The following TMEM265 variants were observed in gnomAD, a reference collection of about 807,000 sequenced individuals.
TMEM265 encodes the protein transmembrane protein 265.
In TMEM265, 8 loss-of-function variants were observed where a neutral mutation model predicts 9.5. The observed-to-expected ratio is 0.84, with a 90% CI of 0.49 to 1.52. TMEM265 has a LOEUF of 1.52. TMEM265 is among the 40% of genes most tolerant of loss of function. The probability of loss-of-function intolerance (pLI) is 0.00; values close to 1 mark genes in which losing one functional copy is unlikely to be tolerated. For missense variants in TMEM265, 152 were observed against 146.2 expected (o/e 1.04, Z -0.21); for synonymous variants, 53 against 56.9 (o/e 0.93, Z 0.31).
chr16:30,743,953 G>A lies in TMEM265; in HGVS notation c.*10G>A. On this transcript the variant is annotated 3_prime_UTR_variant, in exon 3 of 3. Transcript: ENST00000615541. ...CGCTCAGGCTGAGTGACCCTGGATGGCCTCTGCTGAGAGCCAGCCGAGACC... is the reference window on the plus strand; with the variant it reads ...CGCTCAGGCTGAGTGACCCTGGATGACCTCTGCTGAGAGCCAGCCGAGACC... The A allele has an allele frequency of 1.3e-6, 2 of 1,531,592 alleles. No individual in the cohort carries two copies. Among genetic ancestry groups the A allele is most frequent in the Middle Eastern group, 2.3e-4 (1 of 4,340 alleles). 94.9% of individuals were successfully genotyped at this position (1,531,592 alleles called of 1,614,324 possible). A position where few individuals can be genotyped will look rare whatever the true frequency, so the allele number is the denominator to read the frequency against.
intron 2 of TMEM265, 58 bp downstream of exon 2, chr16:30,741,966 T>C: frequency 6.7e-7 from 1 of 1,484,472 alleles, no homozygotes; most frequent in Non-Finnish European, 9.0e-7. Context: ...GTTTCATGTA[T>C]CTGATCTATC....
intron 1 of TMEM265, 136 bp from the exon 2 acceptor site, chr16:30,741,605 A>G (rs1352248668): frequency 2.2e-6 from 2 of 925,586 alleles, no homozygotes; most frequent in Admixed American, 2.9e-5. Context: ...CACTAGAGGA[A>G]TTCCCCAGTA....
chr16:30,743,717 G>C, intron 2 of TMEM265, 65 bp from the exon 3 acceptor site: 1 of 1,453,254 alleles, frequency 6.9e-7, no homozygotes, highest in East Asian at 2.5e-5. Context: ...GGGGAGCGGA[G>C]TGGGGAAATG....
chr16:30,743,294 G>C (rs552242299), intron 2 of TMEM265, among the ~76,000 whole-genome samples: 1 of 151,878 alleles, frequency 6.6e-6, no homozygotes, highest in Non-Finnish European at 1.5e-5. Flanking sequence ...GCTGAGACAC[G>C]AGAATTGCTT....
At chr16:30,742,599 G>A (rs2053232467) in intron 2 of TMEM265, among the ~76,000 whole-genome samples, 1 of 152,180 alleles carries the variant, frequency 6.6e-6, no homozygotes, top group Non-Finnish European at 1.5e-5. Flanking sequence ...TTGGGTTTTT[G>A]AGAGGGCTTC....
intron 1 of TMEM265, 116 bp from the exon 2 acceptor site, chr16:30,741,625 T>G: frequency 8.6e-7 from 1 of 1,156,252 alleles, no homozygotes; most frequent in Non-Finnish European, 1.2e-6. Flanking sequence ...AAGGCAACAT[T>G]CCTGAGTGCC....
intron 1 of TMEM265, 35 bp from the exon 2 acceptor site, chr16:30,741,705 TG>T: frequency 6.6e-7 from 1 of 1,517,142 alleles, no homozygotes; most frequent in Non-Finnish European, 8.8e-7. Flanking sequence ...AGGGCTCTGT[TG>T]TTGGGCTCAC....
Position 30,744,431 on chromosome 16 carries a change from T to G in TMEM265, c.*488T>G, listed in dbSNP as rs1269307766. 6.6e-6 allele frequency: 1 copy of G among 152,288 alleles called. No individual in the cohort carries two copies. Among genetic ancestry groups the G allele is most frequent in the Non-Finnish European group, 1.5e-5 (1 of 68,106 alleles). 9.4% of individuals were successfully genotyped at this position (152,288 alleles called of 1,614,324 possible). A position where few individuals can be genotyped will look rare whatever the true frequency, so the allele number is the denominator to read the frequency against. ...TTTTTATTTTCTTCTTCTGGAAGTTTCCCTTCTTGGAAAGACCCCAGCTTC... is the reference window on the plus strand; with the variant it reads ...TTTTTATTTTCTTCTTCTGGAAGTTGCCCTTCTTGGAAAGACCCCAGCTTC... On this transcript the variant is annotated 3_prime_UTR_variant, in exon 3 of 3. Transcript: ENST00000615541.
In TMEM265 at chr16:30,745,132, C is replaced by T. The variant is rs2053249080; in HGVS notation, c.*1189C>T. The stretch of plus-strand genomic sequence containing the variant: ...TCATTTAATTTTGTCTGCATTTGAA[C>T]TTTATATAAATGGAATCATGTATTC... On this transcript the variant is annotated 3_prime_UTR_variant, in exon 3 of 3. Coordinates refer to ENST00000615541, the MANE Select transcript of TMEM265 (RefSeq NM_001256829.2). The T allele has an allele frequency of 1.3e-5, 2 of 152,130 alleles. No homozygotes were observed. The highest frequency in any genetic ancestry group is 4.8e-5 in the African/African-American group (2 of 41,406). 9.4% of individuals were successfully genotyped at this position (152,130 alleles called of 1,614,324 possible). A position where few individuals can be genotyped will look rare whatever the true frequency, so the allele number is the denominator to read the frequency against.
intron 1 of TMEM265, 89 bp from the exon 2 acceptor site, chr16:30,741,652 A>G: frequency 7.2e-7 from 1 of 1,381,486 alleles, no homozygotes; most frequent in Non-Finnish European, 9.6e-7. Context: ...GGCCATGAGA[A>G]CAGAATGCTC....
Position 30,744,620 on chromosome 16 carries a change from A to G in TMEM265, c.*677A>G, listed in dbSNP as rs1292851440. On this transcript the variant is annotated 3_prime_UTR_variant, in exon 3 of 3. Transcript: ENST00000615541. The stretch of plus-strand genomic sequence containing the variant: ...CTGTACTATCATATCCATCATATGA[A>G]TATATCACATATGATAGGTACCAAC... 1 of 152,246 alleles carries G rather than the reference A, an allele frequency of 6.6e-6. No individual in the cohort carries two copies. Among genetic ancestry groups the G allele is most frequent in the Non-Finnish European group, 1.5e-5 (1 of 68,052 alleles). The allele number at this position is 152,246 out of a possible 1,614,324, so 9.4% of individuals were successfully genotyped here. A position where few individuals can be genotyped will look rare whatever the true frequency, so the allele number is the denominator to read the frequency against.
intron 2 of TMEM265, among the ~76,000 whole-genome samples, chr16:30,742,150 C>G (rs755098691): frequency 6.6e-6 from 1 of 152,036 alleles, no homozygotes; most frequent in Non-Finnish European, 1.5e-5. Context: ...AAGCACAGGA[C>G]AGTGTGGGAG....
rs780982499 is a variant in TMEM265, at chr16:30,743,842, C to T, written c.226C>T (p.Arg76Trp). 5.2e-6 allele frequency: 8 copies of T among 1,533,690 alleles called. No individual in the cohort carries two copies. Among genetic ancestry groups the T allele is most frequent in the South Asian group, 2.4e-5 (2 of 83,966 alleles). Residue 76 changes from arginine (R) to tryptophan (W), a missense_variant, in exon 3 of 3, where the codon CGG becomes TGG. Transcript: ENST00000615541. ...EEAVRWGARARKLILASFAVW... is the reference protein window; with the variant it reads ...EEAVRWGARAWKLILASFAVW... ...GGCAGTGCGCTGGGGGGCCCGGGCCCGGAAACTCATCCTGGCCAGCTTTGC... is the reference window on the plus strand; with the variant it reads ...GGCAGTGCGCTGGGGGGCCCGGGCCTGGAAACTCATCCTGGCCAGCTTTGC...
intron 1 of TMEM265, chr16:30,741,539 C>T (rs1477644396): frequency 1.8e-6 from 1 of 542,306 alleles, no homozygotes; most frequent in East Asian, 2.9e-5. Context: ...AGACTCAGAA[C>T]CTCAAGCTTA....
chr16:30,743,916 C>T lies in TMEM265; in HGVS notation c.300C>T (p.Leu100=). Reference sequence around the variant, plus strand: ...TGGGTCCCCTGCTGCTGTGGTTGCTCTCCTACGCCATCGCTCAGGCTGAGT... The same window carrying T: ...TGGGTCCCCTGCTGCTGTGGTTGCTTTCCTACGCCATCGCTCAGGCTGAGT... ...LILGPLLLWL[L]SYAIAQAE The change falls in exon 3 of 3, where the codon CTC becomes CTT. Residue 100 remains leucine (L), a synonymous_variant. Coordinates refer to ENST00000615541, the MANE Select transcript of TMEM265 (RefSeq NM_001256829.2). The T allele has an allele frequency of 2.6e-6, 4 of 1,533,870 alleles. No individual in the cohort carries two copies. In the South Asian group the frequency reaches 3.6e-5, roughly 14 times the overall value.
chr16:30,741,629 G>T, intron 1 of TMEM265, 112 bp from the exon 2 acceptor site: 1 of 1,186,080 alleles, frequency 8.4e-7, no homozygotes, highest in East Asian at 2.6e-5. Context: ...CAACATTCCT[G>T]AGTGCCAGGC....
Position 30,741,806 on chromosome 16 carries a change from C to T in TMEM265, c.63C>T (p.Ser21=), listed in dbSNP as rs1013035512. ...LGNTEAAHPP[S]PIRCCWLRLR... ...ACACGGAAGCTGCTCATCCTCCATC[C>T]CCCATCCGCTGCTGCTGGCTCCGCC... The change falls in exon 2 of 3, where the codon TCC becomes TCT. Residue 21 remains serine, a synonymous_variant. Transcript: ENST00000615541. 6 of 1,533,922 alleles carry T rather than the reference C, an allele frequency of 3.9e-6. No homozygotes were observed. The highest frequency in any genetic ancestry group is 5.2e-6 in the Non-Finnish European group (6 of 1,146,712).
intron 2 of TMEM265, among the ~76,000 whole-genome samples, chr16:30,742,374 T>C (rs993118117): frequency 2.0e-5 from 3 of 152,106 alleles, no homozygotes; most frequent in East Asian, 3.9e-4. Flanking sequence ...GGACCCAGAT[T>C]CCCAAGGGCC....
chr16:30,741,931 G>C (rs745417340), intron 2 of TMEM265, 23 bp downstream of exon 2: 14 of 1,531,236 alleles, frequency 9.1e-6, no homozygotes, highest in Non-Finnish European at 1.2e-5. Flanking sequence ...ATTCCCATGG[G>C]AATGGGGGTG....
Sources: allele counts gnomAD v4.1 joint callset (sites outside exome capture counted in the v4.1 genomes callset), GRCh38; gene constraint gnomAD v4.1.1; transcripts MANE v1.5; gene names NCBI Gene and HGNC (gene_info 2026-07-23, HGNC 2026-07-21).